The following GATB variants were observed in gnomAD, a reference collection of about 807,000 sequenced individuals.
GATB encodes glutamyl-tRNA amidotransferase subunit B, also known as glutamyl-tRNA(Gln) amidotransferase subunit B, mitochondrial.
In GATB, 39 loss-of-function variants were observed where a neutral mutation model predicts 62.3. That is an observed-to-expected ratio of 0.63 (90% CI 0.48 to 0.82). The LOEUF is 0.82. Ranked by LOEUF, GATB falls within the 40% of genes least tolerant of loss-of-function variation. GATB has a pLI of 0.00. For synonymous variants in GATB, 276 were observed against 258.9 expected (o/e 1.07, Z -0.63); for missense variants, 670 against 684.0 (o/e 0.98, Z 0.23).
At chr4:151,686,514 C>T (rs919736698) in intron 10 of GATB, among the ~76,000 whole-genome samples, 1 of 151,922 alleles carries the variant, frequency 6.6e-6, no homozygotes, top group Non-Finnish European at 1.5e-5. Flanking sequence ...TGCCCCGGGA[C>T]CTTGCAAGGG....
chr4:151,697,953 G>GTGTA lies in GATB; in HGVS notation c.1197+3375_1197+3376insTACA, dbSNP rs1186735671. 5.7e-3 allele frequency among the ~76,000 whole-genome samples: 229 copies of GTGTA among 40,440 alleles called. 1 individual carries two copies. Among genetic ancestry groups the GTGTA allele is most frequent in the East Asian group, 0.023 (26 of 1,116 alleles). 26.5% of individuals were successfully genotyped at this position (40,440 alleles called of 152,430 possible). On this transcript the variant is annotated intron_variant, in intron 9 of 12. Coordinates refer to ENST00000263985, the MANE Select transcript of GATB (RefSeq NM_004564.3). Reference sequence around the variant, plus strand: ...TTCATATATATGTGTGTGTGTGTGTGTATATATATATATATATATATATAT... The same window carrying GTGTA: ...TTCATATATATGTGTGTGTGTGTGTGTGTATATATATATATATATATATATATAT...
intron 2 of GATB, among the ~76,000 whole-genome samples, chr4:151,743,912 G>A (rs1739545814): frequency 6.6e-6 from 1 of 152,220 alleles, no homozygotes; most frequent in Admixed American, 6.5e-5. Context: ...AAATGAGCAA[G>A]AAGGGATTCC....
intron 11 of GATB, among the ~76,000 whole-genome samples, chr4:151,678,215 A>T (rs1738050983): frequency 6.6e-6 from 1 of 152,218 alleles, no homozygotes; most frequent in African/African-American, 2.4e-5. Flanking sequence ...ACTGCCTCAC[A>T]GAAGTCCCCT....
At chr4:151,692,141 A>T (rs1347593327) in intron 9 of GATB, among the ~76,000 whole-genome samples, 1 of 152,144 alleles carries the variant, frequency 6.6e-6, no homozygotes, top group Non-Finnish European at 1.5e-5. Context: ...ATTCATCCCA[A>T]CAACAACTCT....
intron 11 of GATB, chr4:151,673,824 A>C (rs1737938106): frequency 6.6e-6 from 1 of 152,232 alleles, no homozygotes; most frequent in Admixed American, 6.5e-5. Flanking sequence ...TCCAGTCCAC[A>C]GTCATGACTG....
chr4:151,731,957 AAGTGGGG>A (rs1560860280), intron 2 of GATB, among the ~76,000 whole-genome samples: 1,326 of 91,096 alleles, frequency 0.015, 330 homozygotes, highest in African/African-American at 0.062. Context: ...TCCGGGAGGG[AAGTGGGG>A]GGTCAGCCCC....
At chr4:151,698,692 A>G (rs886367723) in intron 9 of GATB, among the ~76,000 whole-genome samples, 2 of 152,184 alleles carry the variant, frequency 1.3e-5, no homozygotes, top group Non-Finnish European at 2.9e-5. Flanking sequence ...CAGGAAAACA[A>G]TTTGTCTGAA....
At chr4:151,692,952 G>A (rs1738395992) in intron 9 of GATB, among the ~76,000 whole-genome samples, 1 of 152,194 alleles carries the variant, frequency 6.6e-6, no homozygotes, top group African/African-American at 2.4e-5. Flanking sequence ...ACTGGACAAG[G>A]CTCTCCCACG....
At position 151,710,248 on chromosome 4, in the gene GATB, A is replaced by G. The variant is rs138340964; in HGVS notation, c.764-2147T>C. On this transcript the variant is annotated intron_variant, in intron 5 of 12. Transcript: ENST00000263985. ...AACTCCCACTTGCCTTCTCAAGGGC[A>G]TCACTCTCAGTTATCCCTTCTCTCC... Among the ~76,000 whole-genome samples the G allele has an allele frequency of 2.0e-5, 3 of 152,314 alleles. No homozygotes were observed. In the East Asian group the frequency reaches 5.8e-4, roughly 29 times the overall value.
intron 2 of GATB, chr4:151,722,327 C>A: frequency 1.5e-6 from 1 of 652,112 alleles, no homozygotes; most frequent in Non-Finnish European, 2.7e-6. Flanking sequence ...ATGAACCTGC[C>A]AGCATCTGCA....
intron 1 of GATB, 148 bp downstream of exon 1, chr4:151,760,659 T>TTTA (rs1739935245): frequency 1.7e-6 from 1 of 586,568 alleles, no homozygotes; most frequent in Non-Finnish European, 2.8e-6. Context: ...TGTTTGTGCT[T>TTTA]TTATTTAGGT....
chr4:151,679,343 T>TC (rs1738088085), intron 11 of GATB, among the ~76,000 whole-genome samples: 1 of 152,232 alleles, frequency 6.6e-6, no homozygotes, highest in African/African-American at 2.4e-5. Flanking sequence ...TAACATTTTA[T>TC]CTACAAAGTG....
At chr4:151,704,422 G>A (rs536343769) in intron 7 of GATB, among the ~76,000 whole-genome samples, 1 of 152,170 alleles carries the variant, frequency 6.6e-6, no homozygotes, top group South Asian at 2.1e-4. Context: ...CAGCCCTAGG[G>A]TATATTATAT....
chr4:151,701,409 G>T lies in GATB; in HGVS notation c.1117C>A (p.Leu373Ile). Residue 373 changes from leucine (L) to isoleucine (I), a missense_variant, in exon 9 of 13, where the codon CTC becomes ATC. Transcript: ENST00000263985. ...CGGGTCACACTGGGGAGCTCCGGGA[G>T]TGTCTCCCGAATCTGGTCAATATTG... ...VINIDQIRET[L>I]PELPSVTREK... 1 of 1,605,896 alleles carries T rather than the reference G, an allele frequency of 6.2e-7. No individual in the cohort carries two copies. Among genetic ancestry groups the T allele is most frequent in the Non-Finnish European group, 8.5e-7 (1 of 1,176,070 alleles).
At chr4:151,706,433 G>A (rs537685702) in intron 6 of GATB, among the ~76,000 whole-genome samples, 6 of 151,822 alleles carry the variant, frequency 4.0e-5, no homozygotes, top group African/African-American at 1.5e-4. Context: ...CTACCTACAG[G>A]GGGAGGTGGA....
chr4:151,719,039 G>A (rs1738972599), intron 3 of GATB, among the ~76,000 whole-genome samples: 1 of 152,166 alleles, frequency 6.6e-6, no homozygotes, highest in Admixed American at 6.5e-5. Flanking sequence ...AAAGCGATTC[G>A]CTCTCGCTCT....
chr4:151,740,085 T>TA (rs1417029190), intron 2 of GATB, among the ~76,000 whole-genome samples: 1 of 152,236 alleles, frequency 6.6e-6, no homozygotes, highest in Non-Finnish European at 1.5e-5. Flanking sequence ...ATCAAGCTAT[T>TA]ATCTGTAATA....
At chr4:151,710,468 C>T (rs1738796592) in intron 5 of GATB, among the ~76,000 whole-genome samples, 1 of 152,170 alleles carries the variant, frequency 6.6e-6, no homozygotes, top group African/African-American at 2.4e-5. Flanking sequence ...TTGTTTGTTG[C>T]ATACACTGTC....
At chr4:151,690,245 C>T (rs938691937) in intron 9 of GATB, among the ~76,000 whole-genome samples, 1 of 152,218 alleles carries the variant, frequency 6.6e-6, no homozygotes, top group Non-Finnish European at 1.5e-5. Flanking sequence ...ATAAAAAACC[C>T]TACATGTTCT....
Sources: allele counts gnomAD v4.1 joint callset (sites outside exome capture counted in the v4.1 genomes callset), GRCh38; gene constraint gnomAD v4.1.1; transcripts MANE v1.5; gene names NCBI Gene and HGNC (gene_info 2026-07-23, HGNC 2026-07-21).